Variants in FAT3 observed in about 807,000 individuals in gnomAD.
FAT3 encodes the protein FAT atypical cadherin 3, also known as protocadherin Fat 3.
Under a neutral mutation model 310.2 loss-of-function variants are expected in FAT3, and 95 were observed. The observed-to-expected ratio is 0.31, with a 90% CI of 0.26 to 0.36. FAT3 has a LOEUF of 0.36. Among genes scored for constraint, FAT3 ranks in the 10% least tolerant of loss-of-function variants. The pLI is 1.00. For synonymous variants in FAT3, 2,314 were observed against 2,192.9 expected, an observed-to-expected ratio of 1.06 and a Z score of -1.54; for missense variants, 5,408 against 5,715.6, an observed-to-expected ratio of 0.95 and a Z score of 1.74.
At chr11:92,461,997 A>G (rs1348306666) in intron 2 of FAT3, among the ~76,000 whole-genome samples, 3 of 152,138 alleles carry the variant, frequency 2.0e-5, no homozygotes, top group Non-Finnish European at 4.4e-5. Context: ...TCTTCGCAGT[A>G]TCCATTGGGA....
intron 3 of FAT3, among the ~76,000 whole-genome samples, chr11:92,626,444 G>A (rs971447378): frequency 2.0e-5 from 3 of 151,620 alleles, no homozygotes; most frequent in African/African-American, 4.8e-5. Context: ...CAAGAAAAAG[G>A]GAATTTGAAA....
intron 22 of FAT3, among the ~76,000 whole-genome samples, chr11:92,871,013 G>C (rs757550879): frequency 6.6e-6 from 1 of 152,144 alleles, no homozygotes; most frequent in Non-Finnish European, 1.5e-5. Flanking sequence ...CTAGTAAAGT[G>C]GTGAAAGCAC....
At chr11:92,660,233 G>T (rs905023232) in intron 3 of FAT3, among the ~76,000 whole-genome samples, 2 of 151,668 alleles carry the variant, frequency 1.3e-5, no homozygotes, top group African/African-American at 4.9e-5. Flanking sequence ...AGAGTAAAAT[G>T]CTGATACGAA....
chr11:92,342,248 G>A (rs1046497975), intron 1 of FAT3, among the ~76,000 whole-genome samples: 3 of 152,036 alleles, frequency 2.0e-5, no homozygotes, highest in African/African-American at 7.2e-5. Flanking sequence ...GTCACGTGAT[G>A]CCCCTTCACC....
intron 3 of FAT3, among the ~76,000 whole-genome samples, chr11:92,603,645 G>A (rs897773021): frequency 6.6e-6 from 1 of 152,146 alleles, no homozygotes; most frequent in Non-Finnish European, 1.5e-5. Context: ...ATGCTTCCAT[G>A]TCTTGCTTCA....
chr11:92,879,659 A>G (rs918653494), intron 22 of FAT3, among the ~76,000 whole-genome samples: 2 of 152,214 alleles, frequency 1.3e-5, no homozygotes, highest in Non-Finnish European at 1.5e-5. Flanking sequence ...TTATAATACT[A>G]TAATATATTG....
At chr11:92,471,025 C>T (rs1471485752) in intron 2 of FAT3, among the ~76,000 whole-genome samples, 1 of 152,056 alleles carries the variant, frequency 6.6e-6, no homozygotes, top group Non-Finnish European at 1.5e-5. Flanking sequence ...TTTTAACATT[C>T]TTCTGTAACA....
intron 2 of FAT3, among the ~76,000 whole-genome samples, chr11:92,473,327 G>A (rs1951958750): frequency 2.2e-5 from 3 of 133,596 alleles, no homozygotes; most frequent in Admixed American, 1.6e-4. Context: ...TGTTGGGTGG[G>A]GTTGTGCAGA....
chr11:92,694,500 G>C (rs1365519856), intron 3 of FAT3, among the ~76,000 whole-genome samples: 1 of 152,194 alleles, frequency 6.6e-6, no homozygotes, highest in Admixed American at 6.5e-5. Context: ...AGGTATGAAG[G>C]TGAAGGGGAC....
intron 2 of FAT3, among the ~76,000 whole-genome samples, chr11:92,374,338 C>T (rs990910091): frequency 3.9e-5 from 6 of 152,168 alleles, no homozygotes; most frequent in Non-Finnish European, 8.8e-5. Context: ...TGCATGTTTT[C>T]CTTGATTATT....
At chr11:92,787,873 A>G (rs1311282393) in intron 7 of FAT3, among the ~76,000 whole-genome samples, 1 of 152,014 alleles carries the variant, frequency 6.6e-6, no homozygotes, top group Non-Finnish European at 1.5e-5. Flanking sequence ...CATGAGAAAA[A>G]GGAGATACCA....
intron 2 of FAT3, among the ~76,000 whole-genome samples, chr11:92,421,724 A>G (rs920225966): frequency 5.9e-5 from 9 of 152,110 alleles, no homozygotes; most frequent in African/African-American, 1.4e-4. Context: ...CCTCTTGGCT[A>G]TATCTTCTGT....
chr11:92,288,897 C>T (rs186824879), intron 1 of FAT3, among the ~76,000 whole-genome samples: 1 of 152,176 alleles, frequency 6.6e-6, no homozygotes, highest in East Asian at 1.9e-4. Flanking sequence ...GACAGTTAAA[C>T]CTGATCCGGA....
intron 2 of FAT3, among the ~76,000 whole-genome samples, chr11:92,357,958 C>T (rs1030221847): frequency 4.0e-5 from 6 of 149,732 alleles, no homozygotes; most frequent in African/African-American, 1.5e-4. Flanking sequence ...CTCTTGAGCT[C>T]AGGAGTCCCA....
At position 92,887,107 on chromosome 11, in the gene FAT3, G is replaced by A. The variant is rs377319957; in HGVS notation, c.13045G>A (p.Asp4349Asn). 1.2e-5 allele frequency: 20 copies of A among 1,608,342 alleles called. No individual in the cohort carries two copies. Among genetic ancestry groups the A allele is most frequent in the Middle Eastern group, 1.6e-4 (1 of 6,084 alleles). ...CTCCTTCCAGTCAGATTCTGGTGAC[G>A]ACAATGGTAAGAAGTCATCAGATTT... The part of the protein sequence containing the change: ...LSSFQSDSGD[D>N]NASIVTVIQL... Residue 4349 changes from aspartate to asparagine, a missense_variant, in exon 25 of 28, where the codon GAC (aspartate) becomes AAC (asparagine). This residue lies in a region of FAT3 where 649 missense variants were observed against 666.2 expected (regional missense o/e 0.97). Coordinates refer to ENST00000525166, the MANE Select transcript of FAT3 (RefSeq NM_001367949.2).
At chr11:92,405,055 G>A (rs1007390292) in intron 2 of FAT3, among the ~76,000 whole-genome samples, 1 of 152,042 alleles carries the variant, frequency 6.6e-6, no homozygotes, top group African/African-American at 2.4e-5. Context: ...AATCATGCAA[G>A]CCAACTCCTC....
At chr11:92,267,420 G>A (rs566892656) in intron 1 of FAT3, among the ~76,000 whole-genome samples, 4 of 152,118 alleles carry the variant, frequency 2.6e-5, no homozygotes, top group South Asian at 2.1e-4. Flanking sequence ...TATTGACTCC[G>A]GACAAGGGGA....
At position 92,230,720 on chromosome 11, in the gene FAT3, G is replaced by A. The variant is rs550470627; in HGVS notation, c.-18+5546G>A. 4.6e-5 allele frequency among the ~76,000 whole-genome samples: 7 copies of A among 152,264 alleles called. No individual in the cohort carries two copies. In the South Asian group the frequency reaches 8.3e-4, roughly 18 times the overall value. ...AAAATATATCCATTGCTTCTGCTTCGTGCTGTTTATTGAGAAAATGAGAGA... is the reference window on the plus strand; with the variant it reads ...AAAATATATCCATTGCTTCTGCTTCATGCTGTTTATTGAGAAAATGAGAGA... On this transcript the variant is annotated intron_variant, in intron 1 of 27. Transcript: ENST00000525166.
chr11:92,349,557 A>T (rs901320636), intron 1 of FAT3, among the ~76,000 whole-genome samples: 3 of 152,088 alleles, frequency 2.0e-5, no homozygotes, highest in African/African-American at 7.2e-5. Context: ...GAAAACCCCA[A>T]ATGTATCATT....
Sources: gnomAD v4.1 joint callset for allele counts (sites outside exome capture counted in the v4.1 genomes callset) on GRCh38, gnomAD v4.1.1 for gene constraint, gnomAD v4.1.1 regional missense constraint, MANE v1.5 for transcripts, NCBI Gene and HGNC (gene_info 2026-07-23, HGNC 2026-07-21) for gene names.